The following CDH12 variants were observed in gnomAD, a reference collection of about 807,000 sequenced individuals.
CDH12 encodes the protein cadherin-12.
A neutral mutation model predicts 74.1 loss-of-function variants in CDH12; 41 were observed. That is an observed-to-expected ratio of 0.55 (90% confidence interval 0.43 to 0.72). The LOEUF (loss-of-function observed/expected upper bound fraction) is 0.72, where lower values mean the gene tolerates loss of function less well. CDH12 is among the 30% of genes least tolerant of loss of function. CDH12 has a pLI of 0.00. For missense variants in CDH12, 945 were observed against 977.2 expected, an observed-to-expected ratio of 0.97 and a Z score of 0.44; for synonymous variants, 399 against 355.0, an observed-to-expected ratio of 1.12 and a Z score of -1.39.
chr5:22,772,115 T>C (rs1335038255), intron 1 of CDH12, among the ~76,000 whole-genome samples: 1 of 151,972 alleles, frequency 6.6e-6, no homozygotes, highest in East Asian at 1.9e-4. Flanking sequence ...TGATGTGTAA[T>C]ATGGTGTGGT....
In CDH12 at chr5:22,787,979, G is replaced by A. The variant is rs531612501; in HGVS notation, c.-523+65079C>T. Among the ~76,000 whole-genome samples the A allele has an allele frequency of 2.1e-3, 321 of 152,284 alleles. 2 individuals carry two copies. The highest frequency in any genetic ancestry group is 3.0e-3 in the Non-Finnish European group (202 of 68,022). On this transcript the variant is annotated intron_variant, in intron 1 of 14. Transcript: ENST00000382254. ...TTGTATATTAGAAATGAGTCAGTAA[G>A]TTCAGCCACACTCAAGGGATGAGTG... is the stretch of plus-strand genomic sequence containing the variant.
chr5:22,656,537 G>T (rs1740044833), intron 1 of CDH12, among the ~76,000 whole-genome samples: 1 of 152,114 alleles, frequency 6.6e-6, no homozygotes, highest in Non-Finnish European at 1.5e-5. Flanking sequence ...TCAAATGTTA[G>T]GAAATATATG....
chr5:21,869,208 G>C (rs1216512700), intron 6 of CDH12, among the ~76,000 whole-genome samples: 1 of 152,178 alleles, frequency 6.6e-6, no homozygotes, highest in South Asian at 2.1e-4. Flanking sequence ...AGGTAAGGTA[G>C]AGCATGTCTA....
rs565027335 is a variant in CDH12 at position 21,803,338 on chromosome 5, T to C, written c.1003-918A>G. ...ATAGTACTAATTTAAAAAGAATTTT[T>C]GTGTGTGTGTGTTCTCAGAACTGTA... On this transcript the variant is annotated intron_variant, in intron 9 of 14. Coordinates refer to ENST00000382254, the MANE Select transcript of CDH12 (RefSeq NM_004061.5). Among the ~76,000 whole-genome samples, 5 of 152,098 alleles carry C rather than the reference T, an allele frequency of 3.3e-5. No homozygotes were observed. In the South Asian group the frequency reaches 1.0e-3, roughly 32 times the overall value.
chr5:22,668,638 C>G (rs1012793521), intron 1 of CDH12, among the ~76,000 whole-genome samples: 3 of 152,114 alleles, frequency 2.0e-5, no homozygotes, highest in Non-Finnish European at 4.4e-5. Flanking sequence ...TCATCAGTCT[C>G]TCTCTTATGG....
chr5:21,952,167 T>TA (rs1438846058), intron 6 of CDH12, among the ~76,000 whole-genome samples: 1 of 152,206 alleles, frequency 6.6e-6, no homozygotes, highest in Non-Finnish European at 1.5e-5. Context: ...TATCATCATT[T>TA]AAGTGTCTGT....
intron 3 of CDH12, among the ~76,000 whole-genome samples, chr5:22,254,419 C>T (rs1322804207): frequency 6.6e-6 from 1 of 151,766 alleles, no homozygotes; most frequent in African/African-American, 2.4e-5. Context: ...TTACTTAGGA[C>T]AAACACATCA....
chr5:22,765,858 G>A (rs16899124), intron 1 of CDH12, among the ~76,000 whole-genome samples: 6,078 of 151,688 alleles, frequency 0.04, 295 homozygotes, highest in East Asian at 0.17. Flanking sequence ...GTAATACTCA[G>A]AAAGTCAACT....
At chr5:22,501,746 TAA>T (rs11379349) in intron 2 of CDH12, among the ~76,000 whole-genome samples, 2,666 of 143,756 alleles carry the variant, frequency 0.019, 77 homozygotes, top group African/African-American at 0.064. Flanking sequence ...CAAAGTATAT[TAA>T]AAAAAAAAAA....
chr5:22,119,631 A>C (rs1458327835), intron 4 of CDH12, among the ~76,000 whole-genome samples: 1 of 152,090 alleles, frequency 6.6e-6, no homozygotes, highest in East Asian at 1.9e-4. Flanking sequence ...AAGGGTTGAC[A>C]TTTAAGTATA....
At chr5:22,245,901 T>A (rs1411813241) in intron 3 of CDH12, among the ~76,000 whole-genome samples, 1 of 152,120 alleles carries the variant, frequency 6.6e-6, no homozygotes. Context: ...TGTTTTTGAA[T>A]AAGAATGGTA....
intron 1 of CDH12, among the ~76,000 whole-genome samples, chr5:22,511,933 TTGTGTGTG>T (rs3039486): frequency 4.0e-5 from 6 of 149,220 alleles, no homozygotes; most frequent in African/African-American, 1.2e-4. Flanking sequence ...GTAACTATGA[TTGTGTGTG>T]TGTGTGTGTG....
chr5:21,925,388 A>G (rs1754541805), intron 6 of CDH12, among the ~76,000 whole-genome samples: 2 of 152,222 alleles, frequency 1.3e-5, no homozygotes, highest in Admixed American at 1.3e-4. Flanking sequence ...CTCTAATTAT[A>G]ACTGACACAA....
chr5:22,622,756 G>T (rs1738043593), intron 1 of CDH12, among the ~76,000 whole-genome samples: 1 of 152,120 alleles, frequency 6.6e-6, no homozygotes, highest in Non-Finnish European at 1.5e-5. Context: ...GGAGGAGTTG[G>T]TACCATTCCC....
At chr5:22,443,123 T>A (rs934101671) in intron 2 of CDH12, among the ~76,000 whole-genome samples, 2 of 152,144 alleles carry the variant, frequency 1.3e-5, no homozygotes, top group African/African-American at 4.8e-5. Context: ...CTAAGTTAGA[T>A]AATGCATATC....
intron 1 of CDH12, among the ~76,000 whole-genome samples, chr5:22,552,595 ATTT>A (rs1738622829): frequency 6.6e-6 from 1 of 151,872 alleles, no homozygotes; most frequent in Non-Finnish European, 1.5e-5. Flanking sequence ...CACCCGGCTA[ATTT>A]TTGTATTTTT....
chr5:22,330,744 CAA>C (rs1212274101), intron 3 of CDH12, among the ~76,000 whole-genome samples: 36 of 52,340 alleles, frequency 6.9e-4, no homozygotes, highest in Middle Eastern at 0.01. Context: ...AGCGAGACTC[CAA>C]AAAAAAAAAA....
chr5:21,804,959 T>A (rs1279972175), intron 9 of CDH12, among the ~76,000 whole-genome samples: 1 of 152,058 alleles, frequency 6.6e-6, no homozygotes, highest in African/African-American at 2.4e-5. Flanking sequence ...TAAAAATATG[T>A]TTTCTGTTTT....
At position 22,245,715 on chromosome 5, in the gene CDH12, T is replaced by C. The variant is rs1284673463; in HGVS notation, c.-332-33072A>G. 7.2e-5 allele frequency among the ~76,000 whole-genome samples: 11 copies of C among 151,850 alleles called. 1 individual carries two copies. The highest frequency in any genetic ancestry group is 1.5e-5 in the Non-Finnish European group (1 of 67,956). ...TCATACATATATATATAATCTGAGA[T>C]TGGAGGAAGTCTTTCATTTTGGGGA... On this transcript the variant is annotated intron_variant, in intron 3 of 14. Transcript: ENST00000382254.
Sources: allele counts gnomAD v4.1 joint callset (sites outside exome capture counted in the v4.1 genomes callset), GRCh38; gene constraint gnomAD v4.1.1; transcripts MANE v1.5; gene names NCBI Gene and HGNC (gene_info 2026-07-23, HGNC 2026-07-21).